Variants in SPRYD3 observed in about 807,000 individuals in gnomAD.
SPRYD3 encodes SPRY domain-containing protein 3.
In SPRYD3, 17 loss-of-function variants were observed where a neutral mutation model predicts 50.1. The ratio of observed to expected loss-of-function variants is 0.34; its 90% CI spans 0.23 to 0.51. The LOEUF (loss-of-function observed/expected upper bound fraction) is 0.51, where lower values mean the gene tolerates loss of function less well. Ranked by LOEUF, SPRYD3 falls within the 20% of genes least tolerant of loss-of-function variation. The pLI is 0.97. For missense variants in SPRYD3, 401 were observed against 591.2 expected (o/e 0.68, Z 3.34); for synonymous variants, 198 against 215.5 (o/e 0.92, Z 0.71).
rs2277329 is a variant in SPRYD3 at position 53,074,635 on chromosome 12, T to A, written c.507+14A>T. On this transcript the variant is annotated intron_variant, in intron 5 of 10. Coordinates refer to ENST00000301463, the MANE Select transcript of SPRYD3 (RefSeq NM_032840.3). This position sits in a 1 kb window ranked among gnomAD's most constrained non-coding sequence, Gnocchi z 4.6. ...ATTTCAGCCACGTAAATCCCACCAC[T>A]ATTTCCCACTCACCCGCTTCCCATT... The A allele has an allele frequency of 2.5e-6, 4 of 1,614,052 alleles. No homozygotes were observed. The highest frequency in any genetic ancestry group is 2.2e-5 in the South Asian group (2 of 91,088).
At chr12:53,068,621 G>A (rs149011863) in intron 6 of SPRYD3, among the ~76,000 whole-genome samples, 71 of 152,254 alleles carry the variant, frequency 4.7e-4, no homozygotes, top group African/African-American at 1.5e-3. Flanking sequence ...ATCCTCGCCC[G>A]CTGAAAAACC....
intron 6 of SPRYD3, among the ~76,000 whole-genome samples, chr12:53,070,540 T>C (rs1055263496): frequency 6.6e-6 from 1 of 152,168 alleles, no homozygotes; most frequent in African/African-American, 2.4e-5. Context: ...CTCCTATTAC[T>C]TAACAGCCGC....
chr12:53,066,702 G>A lies in SPRYD3; in HGVS notation c.902-10C>T. 1.3e-6 allele frequency: 2 copies of A among 1,598,702 alleles called. No individual in the cohort carries two copies. The highest frequency in any genetic ancestry group is 1.7e-6 in the Non-Finnish European group (2 of 1,171,322). ...AAGATCTTCCCATCGTCTGTTGGAG[G>A]GAGGGGAAAGGACAAACACTTGAGG... On this transcript the variant is annotated splice_polypyrimidine_tract_variant and intron_variant, in intron 8 of 10. Transcript: ENST00000301463.
At position 53,066,489 on chromosome 12, in the gene SPRYD3, A is replaced by G. The variant is rs1332136524; in HGVS notation, c.1022-3T>C. The G allele has an allele frequency of 6.2e-7, 1 of 1,614,110 alleles. No individual in the cohort carries two copies. The highest frequency in any genetic ancestry group is 1.7e-5 in the Admixed American group (1 of 60,018). On this transcript the variant is annotated splice_polypyrimidine_tract_variant and splice_region_variant and intron_variant, in intron 9 of 10. Coordinates refer to ENST00000301463, the MANE Select transcript of SPRYD3 (RefSeq NM_032840.3). ...GTCACAACTGTCATCACTGTCCCCT[A>G]GGAGACCAGGAAACCTGAGCTCCTG...
intron 10 of SPRYD3, 99 bp downstream of exon 10, chr12:53,066,215 C>CAACCAGG: frequency 6.5e-7 from 1 of 1,542,314 alleles, no homozygotes; most frequent in Non-Finnish European, 8.8e-7. Context: ...CAGAGCTTCC[C>CAACCAGG]GTCTTTCCCA....
Position 53,073,362 on chromosome 12 carries a change from T to C in SPRYD3, c.617A>G (p.Glu206Gly). Reference protein sequence around the residue: ...RLHLNAELGREDDSVMMVDSY... With the variant: ...RLHLNAELGRGDDSVMMVDSY... The stretch of plus-strand genomic sequence containing the variant: ...GTCCACCATCATGACGCTGTCGTCC[T>C]CACGGCCCAGCTCAGCGTTGAGGTG... Residue 206 changes from glutamate to glycine, a missense_variant, in exon 6 of 11, where the codon GAG becomes GGG. By Grantham distance (98) the Glu-to-Gly change is moderately conservative. Coordinates refer to ENST00000301463, the MANE Select transcript of SPRYD3 (RefSeq NM_032840.3). 1.9e-6 allele frequency: 3 copies of C among 1,589,586 alleles called. No individual in the cohort carries two copies. The highest frequency in any genetic ancestry group is 2.6e-6 in the Non-Finnish European group (3 of 1,167,596).
intron 6 of SPRYD3, among the ~76,000 whole-genome samples, chr12:53,071,476 A>G (rs11170395): frequency 0.07 from 10,602 of 152,194 alleles, 513 homozygotes; most frequent in East Asian, 0.17. Context: ...CAGAGCTCTG[A>G]GGAGGTAGAC....
In SPRYD3 at chr12:53,074,961, C is replaced by G; in HGVS notation, c.371+134G>C. ...AGTCTGTAAGCCTTCAAGGGTGCTG[C>G]CAGGCCACTTCCCTGTCCTGACCAG... On this transcript the variant is annotated intron_variant, in intron 4 of 10. Transcript: ENST00000301463. The surrounding 1 kb of genome is among the most constrained non-coding windows in gnomAD (Gnocchi z 4.6). The G allele has an allele frequency of 7.2e-7, 1 of 1,383,138 alleles. No homozygotes were observed. The allele number at this position is 1,383,138 out of a possible 1,614,324, so 85.7% of individuals were successfully genotyped here. A position where few individuals can be genotyped will look rare whatever the true frequency, so the allele number is the denominator to read the frequency against.
chr12:53,070,400 C>T (rs1446098472), intron 6 of SPRYD3, among the ~76,000 whole-genome samples: 1 of 152,190 alleles, frequency 6.6e-6, no homozygotes, highest in African/African-American at 2.4e-5. Flanking sequence ...CCTCTGCCTC[C>T]TTGGTCTATA....
Position 53,076,197 on chromosome 12 carries a change from T to C in SPRYD3, c.171-386A>G, listed in dbSNP as rs576193387. 2.0e-5 allele frequency among the ~76,000 whole-genome samples: 3 copies of C among 152,348 alleles called. No homozygotes were observed. The East Asian group carries it at 5.8e-4, about 29-fold the overall frequency. Reference sequence around the variant, plus strand: ...GAGCTGGAGAATAATGGCTGGTCTCTATCCTCTTTACCAAAGCCCTTCATC... The same window carrying C: ...GAGCTGGAGAATAATGGCTGGTCTCCATCCTCTTTACCAAAGCCCTTCATC... On this transcript the variant is annotated intron_variant, in intron 2 of 10. Coordinates refer to ENST00000301463, the MANE Select transcript of SPRYD3 (RefSeq NM_032840.3).
intron 2 of SPRYD3, 59 bp from the exon 3 acceptor site, chr12:53,075,870 G>T: frequency 7.2e-7 from 1 of 1,384,922 alleles, no homozygotes; most frequent in Non-Finnish European, 1.0e-6. Context: ...TAGGGGGAGG[G>T]CCTCAGCTTC....
At chr12:53,073,260 C>CCGGGGGGGGGGGGGGGGGGGG in intron 6 of SPRYD3, 26 bp downstream of exon 6, 12 of 416,304 alleles carry the variant, frequency 2.9e-5, no homozygotes, top group East Asian at 3.8e-5. Context: ...GACCCAGCCC[C>CCGGGGGGGGGGGGGGGGGGGG]TCCCACCCTC....
At position 53,074,929 on chromosome 12, in the gene SPRYD3, C is replaced by T; in HGVS notation, c.372-145G>A. 7.5e-7 allele frequency: 1 copy of T among 1,336,750 alleles called. No homozygotes were observed. The highest frequency in any genetic ancestry group is 1.3e-5 in the South Asian group (1 of 76,136). The allele number at this position is 1,336,750 out of a possible 1,614,324, so 82.8% of individuals were successfully genotyped here. A position where few individuals can be genotyped will look rare whatever the true frequency, so the allele number is the denominator to read the frequency against. ...CTTACGTCCTGGCGTGAGCATCACC[C>T]TCCTCTAGTCTGTAAGCCTTCAAGG... is the stretch of plus-strand genomic sequence containing the variant. On this transcript the variant is annotated intron_variant, in intron 4 of 10. Transcript: ENST00000301463. The surrounding 1 kb of genome is among the most constrained non-coding windows in gnomAD (Gnocchi z 4.6).
At chr12:53,073,249 C>T (rs1944561587) in intron 6 of SPRYD3, 37 bp downstream of exon 6, 2 of 627,714 alleles carry the variant, frequency 3.2e-6, no homozygotes, top group East Asian at 2.9e-5. Flanking sequence ...CAGCCTCCTC[C>T]GACCCAGCCC....
At chr12:53,079,217 T>C in intron 1 of SPRYD3, 94 bp downstream of exon 1, 4 of 1,105,150 alleles carry the variant, frequency 3.6e-6, no homozygotes, top group Non-Finnish European at 4.0e-6. Flanking sequence ...GCCCCGCCCC[T>C]GGCCCCAGAG....
At chr12:53,069,444 A>T (rs1251866228) in intron 6 of SPRYD3, among the ~76,000 whole-genome samples, 1 of 152,086 alleles carries the variant, frequency 6.6e-6, no homozygotes, top group Non-Finnish European at 1.5e-5. Context: ...GCGTGTCTCC[A>T]GCAGAGGCTG....
rs1420597045 is a variant in SPRYD3, at chr12:53,073,335, C to A, written c.644G>T (p.Ser215Ile). ...TAGCCGGCCCCATTCATCCTCGTAACTGTCCACCATCATGACGCTGTCGTC... is the reference window on the plus strand; with the variant it reads ...TAGCCGGCCCCATTCATCCTCGTAAATGTCCACCATCATGACGCTGTCGTC... Reference protein sequence around the residue: ...REDDSVMMVDSYEDEWGRLHD... With the variant: ...REDDSVMMVDIYEDEWGRLHD... The change falls in exon 6 of 11, where the codon AGT becomes ATT. Residue 215 changes from serine to isoleucine, a missense_variant. Ser to Ile is a moderately radical substitution (Grantham distance 142). Transcript: ENST00000301463. 6.4e-7 allele frequency: 1 copy of A among 1,571,790 alleles called. No individual in the cohort carries two copies. The highest frequency in any genetic ancestry group is 1.4e-5 in the African/African-American group (1 of 70,784).
rs565893145 is a variant in SPRYD3 at position 53,068,379 on chromosome 12, T to A, written c.694-75A>T. Reference sequence around the variant, plus strand: ...CTGGAAACCTGGGCCCAAGGCAGTCTGGGTCCCACTTTCCCAGGTCTGACA... The same window carrying A: ...CTGGAAACCTGGGCCCAAGGCAGTCAGGGTCCCACTTTCCCAGGTCTGACA... On this transcript the variant is annotated intron_variant, in intron 6 of 10. Transcript: ENST00000301463. The A allele has an allele frequency of 2.6e-6, 4 of 1,546,804 alleles. No homozygotes were observed. The Admixed American group carries it at 5.5e-5, about 21-fold the overall frequency.
rs767505300 is a variant in SPRYD3 at position 53,066,404 on chromosome 12, C to T, written c.1104G>A (p.Leu368=). Residue 368 remains leucine (L), a synonymous_variant, in exon 10 of 11, where the codon CTG becomes CTA. Coordinates refer to ENST00000301463, the MANE Select transcript of SPRYD3 (RefSeq NM_032840.3). ...CCTCTTCCTCTTCCCCTTCCTGGTG[C>T]AGGTACATGACATTCCGCACGTTCC... is the stretch of plus-strand genomic sequence containing the variant. ...AVRNVRNVMY[L]HQEGEEEEEE... is the part of the protein sequence containing the mutation. 4 of 1,614,192 alleles carry T rather than the reference C, an allele frequency of 2.5e-6. No individual in the cohort carries two copies. Among genetic ancestry groups the T allele is most frequent in the East Asian group, 4.5e-5 (2 of 44,876 alleles).
Sources: gnomAD v4.1 joint callset for allele counts (sites outside exome capture counted in the v4.1 genomes callset) on GRCh38, gnomAD v4.1.1 for gene constraint, Gnocchi (gnomAD v3.1) non-coding constraint, MANE v1.5 for transcripts, NCBI Gene and HGNC (gene_info 2026-07-23, HGNC 2026-07-21) for gene names.